PHF20: variants seen among roughly 807,000 people sequenced by gnomAD.
PHF20 encodes the protein glioma-expressed antigen 2.
Under a neutral mutation model 113.5 loss-of-function variants are expected in PHF20, and 23 were observed. The observed-to-expected ratio is 0.20, with a 90% CI of 0.15 to 0.29. The LOEUF (loss-of-function observed/expected upper bound fraction) is 0.29, where lower values mean the gene tolerates loss of function less well. Among genes scored for constraint, PHF20 ranks in the 10% least tolerant of loss-of-function variants. The pLI is 1.00. For missense variants in PHF20, 943 were observed against 1,219.6 expected, an observed-to-expected ratio of 0.77 and a Z score of 3.38; for synonymous variants, 434 against 457.3, an observed-to-expected ratio of 0.95 and a Z score of 0.65.
chr20:35,904,630 T>C (rs1374257590), intron 10 of PHF20, among the ~76,000 whole-genome samples: 1 of 152,084 alleles, frequency 6.6e-6, no homozygotes, highest in Non-Finnish European at 1.5e-5. Context: ...GGCTTTGGAC[T>C]CCTCAATATC....
At chr20:35,842,775 A>G (rs1303622195) in intron 3 of PHF20, 31 bp downstream of exon 3, 9 of 1,594,382 alleles carry the variant, frequency 5.6e-6, no homozygotes, top group Middle Eastern at 1.7e-4. Context: ...GTTCTGTAGT[A>G]TGCAAGGTCA....
In PHF20 at chr20:35,838,599, T is replaced by C. The variant is rs868347146; in HGVS notation, c.84-3974T>C. 2.6e-5 allele frequency among the ~76,000 whole-genome samples: 4 copies of C among 152,328 alleles called. No homozygotes were observed. The East Asian group carries it at 7.7e-4, about 29-fold the overall frequency. On this transcript the variant is annotated intron_variant, in intron 2 of 17. Transcript: ENST00000374012. ...AAAATCAATACATAGAGCTGCCTTA[T>C]TCTTTTTGAAGGCTGTGTGATATTA...
chr20:35,830,786 T>C (rs933773294), intron 2 of PHF20, among the ~76,000 whole-genome samples: 2 of 152,140 alleles, frequency 1.3e-5, no homozygotes, highest in East Asian at 3.9e-4. Flanking sequence ...GTTTGTTGCA[T>C]AGGTAAACTT....
chr20:35,891,607 C>A (rs571809965), intron 9 of PHF20, among the ~76,000 whole-genome samples: 1 of 152,194 alleles, frequency 6.6e-6, no homozygotes, highest in African/African-American at 2.4e-5. Context: ...CATGTGGGAA[C>A]AACATGCCAA....
At chr20:35,823,462 A>G (rs893551338) in intron 2 of PHF20, among the ~76,000 whole-genome samples, 1 of 150,630 alleles carries the variant, frequency 6.6e-6, no homozygotes, top group Non-Finnish European at 1.5e-5. Context: ...AAACCATAAT[A>G]AAAGTAATAA....
Position 35,836,854 on chromosome 20 carries a change from A to C in PHF20, c.84-5719A>C, listed in dbSNP as rs543088795. Among the ~76,000 whole-genome samples the C allele has an allele frequency of 2.0e-5, 3 of 151,972 alleles. No homozygotes were observed. In the East Asian group the frequency reaches 5.8e-4, roughly 30 times the overall value. Reference sequence around the variant, plus strand: ...AGGGAGACTCCGTCTCAAAAAAAAAAAAAAAAACTTTTAATTTAAAAGTAT... The same window carrying C: ...AGGGAGACTCCGTCTCAAAAAAAAACAAAAAAACTTTTAATTTAAAAGTAT... On this transcript the variant is annotated intron_variant, in intron 2 of 17. Transcript: ENST00000374012.
intron 2 of PHF20, among the ~76,000 whole-genome samples, chr20:35,820,367 T>C (rs914003926): frequency 4.6e-5 from 7 of 150,752 alleles, no homozygotes; most frequent in African/African-American, 7.3e-5. Flanking sequence ...CCAGTGGAGG[T>C]GGATAGAACA....
chr20:35,914,849 A>G (rs186468863), intron 12 of PHF20, among the ~76,000 whole-genome samples: 58 of 151,256 alleles, frequency 3.8e-4, no homozygotes, highest in Admixed American at 6.6e-5. Context: ...TTGTAATCCC[A>G]GCTACTCGGG....
intron 12 of PHF20, among the ~76,000 whole-genome samples, chr20:35,915,107 C>A (rs2055379545): frequency 6.8e-6 from 1 of 147,622 alleles, no homozygotes; most frequent in African/African-American, 2.5e-5. Context: ...TGTGCTCAAC[C>A]TAATATGGGC....
At chr20:35,915,086 A>G (rs1178638108) in intron 12 of PHF20, among the ~76,000 whole-genome samples, 1 of 149,216 alleles carries the variant, frequency 6.7e-6, no homozygotes, top group Non-Finnish European at 1.5e-5. Context: ...ACACTTACAC[A>G]CATATATATA....
chr20:35,939,710 A>G (rs139325839), intron 16 of PHF20, among the ~76,000 whole-genome samples: 394 of 152,246 alleles, frequency 2.6e-3, no homozygotes, highest in Non-Finnish European at 4.7e-3. Flanking sequence ...ACTGCTCACT[A>G]GGCTCATTGT....
chr20:35,941,827 C>T (rs2055985135), intron 17 of PHF20, among the ~76,000 whole-genome samples: 1 of 152,114 alleles, frequency 6.6e-6, no homozygotes, highest in Non-Finnish European at 1.5e-5. Flanking sequence ...GTGGCCGGGA[C>T]ACATGTGGCT....
At chr20:35,798,707 G>C (rs1323181866) in intron 1 of PHF20, among the ~76,000 whole-genome samples, 1 of 151,952 alleles carries the variant, frequency 6.6e-6, no homozygotes, top group Admixed American at 6.6e-5. Flanking sequence ...GGCAGCCTCG[G>C]CCTCCCAAAG....
chr20:35,804,691 T>G (rs984839644), intron 2 of PHF20, among the ~76,000 whole-genome samples: 1 of 151,928 alleles, frequency 6.6e-6, no homozygotes, highest in Non-Finnish European at 1.5e-5. Context: ...ATTTATTATT[T>G]TTTATTGTAT....
At chr20:35,818,124 AAG>A (rs1350752418) in intron 2 of PHF20, among the ~76,000 whole-genome samples, 1 of 151,992 alleles carries the variant, frequency 6.6e-6, no homozygotes, top group African/African-American at 2.4e-5. Flanking sequence ...TCTCTACTAA[AAG>A]TACAAAAAAA....
At chr20:35,869,315 T>C (rs1465169188) in intron 6 of PHF20, 123 bp from the exon 7 acceptor site, 2 of 496,752 alleles carry the variant, frequency 4.0e-6, no homozygotes, top group Non-Finnish European at 7.0e-6. Flanking sequence ...GCCCTTTTGA[T>C]GGCCCATTTA....
intron 2 of PHF20, among the ~76,000 whole-genome samples, chr20:35,809,025 G>C (rs949600667): frequency 5.9e-5 from 9 of 151,742 alleles, no homozygotes; most frequent in African/African-American, 2.2e-4. Flanking sequence ...GGCCAAGGCG[G>C]GTGGATCATG....
At chr20:35,920,174 T>G (rs1419242887) in intron 13 of PHF20, among the ~76,000 whole-genome samples, 1 of 152,254 alleles carries the variant, frequency 6.6e-6, no homozygotes, top group African/African-American at 2.4e-5. Context: ...CTGTTTCAAC[T>G]GTCTATAATT....
chr20:35,775,752 T>G (rs1360878721), intron 1 of PHF20, among the ~76,000 whole-genome samples: 2 of 19,202 alleles, frequency 1.0e-4, no homozygotes, highest in Non-Finnish European at 2.1e-4. Flanking sequence ...AGACTCTGTC[T>G]CCAAAAAAAA....
Sources: allele counts gnomAD v4.1 joint callset (sites outside exome capture counted in the v4.1 genomes callset), GRCh38; gene constraint gnomAD v4.1.1; transcripts MANE v1.5; gene names NCBI Gene and HGNC (gene_info 2026-07-23, HGNC 2026-07-21).